Variants in CHST8 observed in about 807,000 individuals in gnomAD.
CHST8 encodes carbohydrate sulfotransferase 8.
A neutral mutation model predicts 15.0 loss-of-function variants in CHST8; 10 were observed. That is an observed-to-expected ratio of 0.67 (90% CI 0.41 to 1.13). The LOEUF (loss-of-function observed/expected upper bound fraction) is 1.13. Among genes scored for constraint, CHST8 ranks in the 50% most tolerant of loss-of-function variants. The pLI, the probability that CHST8 is intolerant of heterozygous loss-of-function variation, is 0.00. For missense variants in CHST8, 634 were observed against 608.2 expected (o/e 1.04, Z -0.45); for synonymous variants, 259 against 256.6 (o/e 1.01, Z -0.09).
chr19:33,731,656 G>A (rs1465652801), intron 3 of CHST8, among the ~76,000 whole-genome samples: 1 of 152,112 alleles, frequency 6.6e-6, no homozygotes, highest in East Asian at 1.9e-4. Context: ...GTAGGTCTCA[G>A]CCTTATTTTA....
intron 3 of CHST8, among the ~76,000 whole-genome samples, chr19:33,753,222 G>A (rs1432251717): frequency 6.6e-6 from 1 of 151,914 alleles, no homozygotes; most frequent in African/African-American, 2.4e-5. Context: ...TGCCTATGTA[G>A]CCTGCATGTA....
Position 33,771,544 on chromosome 19 carries a change from T to C in CHST8, c.168+94T>C, listed in dbSNP as rs8112884. 2.1e-3 allele frequency: 2,588 copies of C among 1,255,000 alleles called. 58 individuals carry two copies. In the African/African-American group the frequency reaches 0.035, roughly 17 times the overall value. The allele number at this position is 1,255,000 out of a possible 1,614,324, so 77.7% of individuals were successfully genotyped here. A position where few individuals can be genotyped will look rare whatever the true frequency, so the allele number is the denominator to read the frequency against. ...AAATTAGGAGCTCACATTGGATCCA[T>C]TCTTGGAAAGAAAAATGTGTCCAGC... On this transcript the variant is annotated intron_variant, in intron 4 of 4. Coordinates refer to ENST00000650847, the MANE Select transcript of CHST8 (RefSeq NM_001127895.2).
At chr19:33,714,094 T>C (rs1973613000) in intron 3 of CHST8, among the ~76,000 whole-genome samples, 1 of 151,966 alleles carries the variant, frequency 6.6e-6, no homozygotes, top group Admixed American at 6.6e-5. Context: ...AGTATGGAGA[T>C]TTCTCAAACA....
At chr19:33,642,060 A>C (rs1426814032) in intron 1 of CHST8, among the ~76,000 whole-genome samples, 1 of 152,200 alleles carries the variant, frequency 6.6e-6, no homozygotes, top group East Asian at 1.9e-4. Context: ...CTAGTGTCTC[A>C]CCAGAGCCCT....
rs111493622 is a variant in CHST8, at chr19:33,719,774, G to A, written c.130+30383G>A. ...AAAAAAAAAAAAATCACATGCAGTC[G>A]GACCTGAACCATGCACAGTGAGCCT... On this transcript the variant is annotated intron_variant, in intron 3 of 4. Coordinates refer to ENST00000650847, the MANE Select transcript of CHST8 (RefSeq NM_001127895.2). Among the ~76,000 whole-genome samples, 529 of 152,074 alleles carry A rather than the reference G, an allele frequency of 3.5e-3. 5 individuals carry two copies. Among genetic ancestry groups the A allele is most frequent in the African/African-American group, 0.012 (511 of 41,460 alleles).
rs544343995 is a variant in CHST8, at chr19:33,650,293, A to G, written c.-163-17474A>G. Reference sequence around the variant, plus strand: ...CTCTTGGCCAAGAGGGGGACTGTTTATTCAGTTGGGGGACTTAGGATTTTC... The same window carrying G: ...CTCTTGGCCAAGAGGGGGACTGTTTGTTCAGTTGGGGGACTTAGGATTTTC... On this transcript the variant is annotated intron_variant, in intron 1 of 4. Coordinates refer to ENST00000650847, the MANE Select transcript of CHST8 (RefSeq NM_001127895.2). Among the ~76,000 whole-genome samples, 288 of 152,120 alleles carry G rather than the reference A, an allele frequency of 1.9e-3. 1 individual carries two copies. Among genetic ancestry groups the G allele is most frequent in the African/African-American group, 6.0e-3 (250 of 41,496 alleles).
At chr19:33,731,879 C>T (rs1568346700) in intron 3 of CHST8, among the ~76,000 whole-genome samples, 4 of 152,296 alleles carry the variant, frequency 2.6e-5, no homozygotes, top group Non-Finnish European at 5.9e-5. Context: ...TGCTGGCTGC[C>T]GGTGACCTCT....
At chr19:33,711,034 C>T (rs767725872) in intron 3 of CHST8, among the ~76,000 whole-genome samples, 7 of 152,048 alleles carry the variant, frequency 4.6e-5, no homozygotes, top group Non-Finnish European at 1.0e-4. Context: ...CCATGTCCAG[C>T]TAATTTCTTT....
At chr19:33,757,530 A>AGAAAG (rs1974614228) in intron 3 of CHST8, among the ~76,000 whole-genome samples, 1 of 29,488 alleles carries the variant, frequency 3.4e-5, no homozygotes, top group Non-Finnish European at 7.2e-5. Flanking sequence ...AAGAGAAAGA[A>AGAAAG]AGAAAGAAAG....
At chr19:33,706,914 G>A (rs1186440425) in intron 3 of CHST8, among the ~76,000 whole-genome samples, 1 of 152,116 alleles carries the variant, frequency 6.6e-6, no homozygotes, top group Non-Finnish European at 1.5e-5. Flanking sequence ...CAGGCCGGGA[G>A]GAGGTGTGTT....
Position 33,689,205 on chromosome 19 carries a change from C to T in CHST8, c.-57C>T, listed in dbSNP as rs1010331715. On this transcript the variant is annotated 5_prime_UTR_variant, in exon 3 of 5. In the 5' UTR this introduces an upstream ATG that the reference lacks. Transcript: ENST00000650847. ...CGGCCTGATGGACGCCTGGTGTGGA[C>T]GATGAGGGAAGAACGTGCCCCCCAC... 29 of 1,475,028 alleles carry T rather than the reference C, an allele frequency of 2.0e-5. No individual in the cohort carries two copies. The highest frequency in any genetic ancestry group is 4.3e-5 in the South Asian group (3 of 69,616). The allele number at this position is 1,475,028 out of a possible 1,614,324, so 91.4% of individuals were successfully genotyped here.
chr19:33,773,369 G>A lies in CHST8; in HGVS notation c.*306G>A. The A allele has an allele frequency of 2.4e-6, 1 of 421,974 alleles. No individual in the cohort carries two copies. The highest frequency in any genetic ancestry group is 3.9e-5 in the South Asian group (1 of 25,624). The allele number at this position is 421,974 out of a possible 1,614,324, so 26.1% of individuals were successfully genotyped here. A position where few individuals can be genotyped will look rare whatever the true frequency, so the allele number is the denominator to read the frequency against. The stretch of plus-strand genomic sequence containing the variant: ...AGGGAAGTCTGAGGCCCAGAGGACG[G>A]GGGGCCCAGCGGTAAGGGATGTCCC... On this transcript the variant is annotated 3_prime_UTR_variant, in exon 5 of 5. Coordinates refer to ENST00000650847, the MANE Select transcript of CHST8 (RefSeq NM_001127895.2).
At chr19:33,715,466 G>T (rs1230520095) in intron 3 of CHST8, among the ~76,000 whole-genome samples, 2 of 152,210 alleles carry the variant, frequency 1.3e-5, no homozygotes, top group Admixed American at 6.5e-5. Context: ...AACTTGATAG[G>T]ATAGTAATTT....
chr19:33,725,145 A>G lies in CHST8; in HGVS notation c.130+35754A>G, dbSNP rs555905461. 4.5e-4 allele frequency among the ~76,000 whole-genome samples: 69 copies of G among 152,238 alleles called. No individual in the cohort carries two copies. In the Middle Eastern group the frequency reaches 0.01, roughly 23 times the overall value. On this transcript the variant is annotated intron_variant, in intron 3 of 4. Transcript: ENST00000650847. ...GGTGTCTCCAGAGCTGCGTGGCTGC[A>G]TGTGATTGTGGGGACACAACCGAGT... is the stretch of plus-strand genomic sequence containing the variant.
rs547762615 is a variant in CHST8 at position 33,637,835 on chromosome 19, C to T, written c.-164+15539C>T. 2.7e-5 allele frequency among the ~76,000 whole-genome samples: 4 copies of T among 147,742 alleles called. No individual in the cohort carries two copies. In the South Asian group the frequency reaches 9.0e-4, roughly 33 times the overall value. ...CTATGATGGCACCACTGGACTCCAG[C>T]CTGAGCAAGACCTTATCTCTTAAGA... On this transcript the variant is annotated intron_variant, in intron 1 of 4. Coordinates refer to ENST00000650847, the MANE Select transcript of CHST8 (RefSeq NM_001127895.2).
chr19:33,701,269 C>T (rs1326675102), intron 3 of CHST8, among the ~76,000 whole-genome samples: 1 of 152,134 alleles, frequency 6.6e-6, no homozygotes, highest in Non-Finnish European at 1.5e-5. Context: ...GGTTCCTCCA[C>T]CCCCTGCAAT....
rs1975052277 is a variant in CHST8 at position 33,773,304 on chromosome 19, G to A, written c.*241G>A. 1.3e-5 allele frequency: 7 copies of A among 555,850 alleles called. No individual in the cohort carries two copies. In the South Asian group the frequency reaches 1.7e-4, roughly 14 times the overall value. The allele number at this position is 555,850 out of a possible 1,614,324, so 34.4% of individuals were successfully genotyped here. ...TGGCTGAGGGAGAGGCTGAGAACTG[G>A]GCAGACACCCCTGGAGCTCAGCCGA... On this transcript the variant is annotated 3_prime_UTR_variant, in exon 5 of 5. Transcript: ENST00000650847.
At position 33,702,740 on chromosome 19, in the gene CHST8, CCA is replaced by C. The variant is rs367810479; in HGVS notation, c.130+13350_130+13351del. The stretch of plus-strand genomic sequence containing the variant: ...GTTCACCTGCCGTGTGAGTCACAGC[CCA>C]GAGGGCCCAGAGCAGGTCTCAGGTG... On this transcript the variant is annotated intron_variant, in intron 3 of 4. Transcript: ENST00000650847. Among the ~76,000 whole-genome samples, 289 of 152,326 alleles carry C rather than the reference CCA, an allele frequency of 1.9e-3. 1 individual carries two copies. The highest frequency in any genetic ancestry group is 2.9e-3 in the South Asian group (14 of 4,818).
intron 2 of CHST8, among the ~76,000 whole-genome samples, chr19:33,672,352 C>T (rs1473158762): frequency 6.6e-6 from 1 of 152,026 alleles, no homozygotes; most frequent in African/African-American, 2.4e-5. Context: ...CGCACACCAC[C>T]ACACCCAGCT....
Sources: gnomAD v4.1 joint callset for allele counts (sites outside exome capture counted in the v4.1 genomes callset) on GRCh38, gnomAD v4.1.1 for gene constraint, MANE v1.5 for transcripts, NCBI Gene and HGNC (gene_info 2026-07-23, HGNC 2026-07-21) for gene names.